The following DENND2B variants were observed in gnomAD, a reference collection of about 807,000 sequenced individuals.
DENND2B encodes the protein DENN domain containing 2B.
DENND2B carries 32 observed loss-of-function variants against 116.0 expected under a neutral mutation model. The observed-to-expected ratio is 0.28, with a 90% CI of 0.21 to 0.37. DENND2B has a LOEUF of 0.37. Ranked by LOEUF, DENND2B falls within the 10% of genes least tolerant of loss-of-function variation. The probability of loss-of-function intolerance (pLI) is 1.00; values close to 1 mark genes in which losing one functional copy is unlikely to be tolerated. For missense variants in DENND2B, 1,276 were observed against 1,477.7 expected (o/e 0.86, Z 2.24); for synonymous variants, 588 against 583.9 (o/e 1.01, Z -0.10).
At chr11:8,779,519 T>TC (rs1214048101) in intron 1 of DENND2B, among the ~76,000 whole-genome samples, 2 of 150,456 alleles carry the variant, frequency 1.3e-5, no homozygotes, top group East Asian at 3.9e-4. Context: ...TCTTTCTTTT[T>TC]TTTTTTTTTT....
chr11:8,783,683 C>A (rs1487192951), intron 1 of DENND2B, among the ~76,000 whole-genome samples: 1 of 152,084 alleles, frequency 6.6e-6, no homozygotes, highest in African/African-American at 2.4e-5. Context: ...TTAGAAAAAT[C>A]AATAAAGCTA....
At chr11:8,816,656 A>C (rs111368878) in intron 4 of DENND2B, among the ~76,000 whole-genome samples, 4,448 of 152,228 alleles carry the variant, frequency 0.029, 211 homozygotes, top group African/African-American at 0.1. Context: ...AGGGCTTTAC[A>C]GTTTTCCTCT....
intron 1 of DENND2B, among the ~76,000 whole-genome samples, chr11:8,909,430 A>C (rs1275190495): frequency 5.3e-5 from 2 of 37,412 alleles, no homozygotes; most frequent in Non-Finnish European, 2.5e-4. Flanking sequence ...AGGAAGGAGG[A>C]GGAGGAGGAA....
At chr11:8,874,006 C>A (rs1370714002), upstream of DENND2B, among the ~76,000 whole-genome samples, 1 of 152,126 alleles carries the variant, frequency 6.6e-6, no homozygotes, top group East Asian at 1.9e-4. Context: ...AAATTTACTG[C>A]CTAATTTAGG....
At chr11:8,850,961 C>T (rs1448249802) in intron 3 of DENND2B, among the ~76,000 whole-genome samples, 1 of 152,012 alleles carries the variant, frequency 6.6e-6, no homozygotes, top group African/African-American at 2.4e-5. Context: ...CACTTATATG[C>T]CGAATCTAGA....
chr11:8,894,150 G>C (rs373662659), intron 1 of DENND2B, among the ~76,000 whole-genome samples: 2 of 152,246 alleles, frequency 1.3e-5, no homozygotes, highest in Non-Finnish European at 1.5e-5. Flanking sequence ...AATGGGGAAA[G>C]GATTCCCTAT....
At chr11:8,773,280 G>A (rs1385100218) in intron 1 of DENND2B, among the ~76,000 whole-genome samples, 6 of 151,960 alleles carry the variant, frequency 3.9e-5, no homozygotes, top group African/African-American at 9.7e-5. Context: ...TGCAGACCAC[G>A]GCCAGGGCCC....
chr11:8,894,293 C>T (rs917685203), intron 1 of DENND2B, among the ~76,000 whole-genome samples: 4 of 152,158 alleles, frequency 2.6e-5, no homozygotes, highest in African/African-American at 9.7e-5. Context: ...ACCATAAAAA[C>T]CCTAGAAGAA....
intron 2 of DENND2B, among the ~76,000 whole-genome samples, chr11:8,861,827 C>G (rs560346377): frequency 6.6e-6 from 1 of 152,228 alleles, no homozygotes; most frequent in South Asian, 2.1e-4. Context: ...TATGTATACA[C>G]CATGGAATAC....
intron 1 of DENND2B, among the ~76,000 whole-genome samples, chr11:8,899,261 A>G (rs899552686): frequency 2.0e-5 from 3 of 151,312 alleles, no homozygotes; most frequent in African/African-American, 7.4e-5. Flanking sequence ...AGAGTCCCAG[A>G]AAAAGAAGAG....
At chr11:8,869,461 G>C (rs1007677651) in intron 2 of DENND2B, among the ~76,000 whole-genome samples, 1 of 152,086 alleles carries the variant, frequency 6.6e-6, no homozygotes, top group African/African-American at 2.4e-5. Context: ...TCAGGACTTT[G>C]AGACCAGCCT....
chr11:8,777,355 G>T (rs1207474315), intron 1 of DENND2B, among the ~76,000 whole-genome samples: 1 of 152,194 alleles, frequency 6.6e-6, no homozygotes, highest in Non-Finnish European at 1.5e-5. Context: ...CTGCCCAGGG[G>T]AGACAAATGT....
At chr11:8,898,211 CA>C (rs1360899127) in intron 1 of DENND2B, among the ~76,000 whole-genome samples, 3 of 152,110 alleles carry the variant, frequency 2.0e-5, no homozygotes, top group Admixed American at 6.6e-5. Flanking sequence ...GACCCAGGGG[CA>C]ATTCCTAGGA....
chr11:8,898,780 C>T (rs1273706450), intron 1 of DENND2B, among the ~76,000 whole-genome samples: 1 of 152,050 alleles, frequency 6.6e-6, no homozygotes, highest in Non-Finnish European at 1.5e-5. Flanking sequence ...AATTGTTGAC[C>T]TCTGATCTAA....
chr11:8,801,384 A>G (rs2060295895), intron 1 of DENND2B, among the ~76,000 whole-genome samples: 3 of 152,136 alleles, frequency 2.0e-5, no homozygotes, highest in African/African-American at 7.2e-5. Context: ...CCACAAAGAA[A>G]TAAACACAGC....
intron 1 of DENND2B, among the ~76,000 whole-genome samples, chr11:8,900,941 C>T (rs1211453342): frequency 6.6e-6 from 1 of 151,890 alleles, no homozygotes; most frequent in African/African-American, 2.4e-5. Flanking sequence ...TGCACTCCAG[C>T]CTAGGCAACA....
intron 5 of DENND2B, 101 bp downstream of exon 5, chr11:8,717,640 G>A (rs1415616650): frequency 2.1e-6 from 3 of 1,397,020 alleles, no homozygotes; most frequent in Admixed American, 2.4e-5. Context: ...GTACTAGTGA[G>A]GGTAAAAGCC....
At chr11:8,895,167 C>CAT (rs2064084476) in intron 1 of DENND2B, among the ~76,000 whole-genome samples, 1 of 151,826 alleles carries the variant, frequency 6.6e-6, no homozygotes, top group Non-Finnish European at 1.5e-5. Context: ...CCAAACACCG[C>CAT]ATGTTCTCAC....
chr11:8,778,635 AC>A (rs796517023), intron 1 of DENND2B, among the ~76,000 whole-genome samples: 44 of 152,256 alleles, frequency 2.9e-4, no homozygotes, highest in African/African-American at 1.1e-3. Flanking sequence ...GCTCCAATCT[AC>A]CATGTGTGCC....
Sources: gnomAD v4.1 joint callset for allele counts (sites outside exome capture counted in the v4.1 genomes callset) on GRCh38, gnomAD v4.1.1 for gene constraint, MANE v1.5 for transcripts, NCBI Gene and HGNC (gene_info 2026-07-23, HGNC 2026-07-21) for gene names.